Variants in MARCHF1 observed in about 807,000 individuals in gnomAD.
The protein encoded by MARCHF1 is E3 ubiquitin-protein ligase MARCHF1.
In MARCHF1, 40 loss-of-function variants were observed where a neutral mutation model predicts 54.2. The ratio of observed to expected loss-of-function variants is 0.74; its 90% CI spans 0.57 to 0.96. MARCHF1 has a LOEUF of 0.96. Among genes scored for constraint, MARCHF1 ranks in the 40% least tolerant of loss-of-function variants. The pLI is 0.00. For missense variants in MARCHF1, 586 were observed against 656.5 expected, an observed-to-expected ratio of 0.89 and a Z score of 1.17; for synonymous variants, 236 against 236.3, an observed-to-expected ratio of 1.00 and a Z score of 0.01.
At chr4:164,094,938 C>T (rs1015756762) in intron 2 of MARCHF1, among the ~76,000 whole-genome samples, 4 of 152,018 alleles carry the variant, frequency 2.6e-5, no homozygotes, top group African/African-American at 9.7e-5. Context: ...CAAAAGATAA[C>T]TGTATCATAA....
At chr4:164,037,067 T>C (rs1754021273) in intron 2 of MARCHF1, among the ~76,000 whole-genome samples, 1 of 152,164 alleles carries the variant, frequency 6.6e-6, no homozygotes, top group African/African-American at 2.4e-5. Flanking sequence ...TTCTAAGATT[T>C]GGGGCTTGAA....
chr4:163,765,899 T>C (rs1004164188), intron 4 of MARCHF1, among the ~76,000 whole-genome samples: 2 of 147,780 alleles, frequency 1.4e-5, no homozygotes, highest in African/African-American at 4.9e-5. Flanking sequence ...ATAATACATA[T>C]AATTATATAT....
At chr4:163,728,497 A>C (rs1005081486) in intron 4 of MARCHF1, among the ~76,000 whole-genome samples, 1 of 152,044 alleles carries the variant, frequency 6.6e-6, no homozygotes, top group South Asian at 2.1e-4. Context: ...CTTTTTTCAC[A>C]TTGATCTTCC....
intron 7 of MARCHF1, among the ~76,000 whole-genome samples, chr4:163,593,538 G>C (rs1052731966): frequency 1.2e-4 from 19 of 152,120 alleles, no homozygotes; most frequent in South Asian, 2.1e-4. Context: ...TCTGCATGTG[G>C]CAGAAATTCT....
intron 8 of MARCHF1, among the ~76,000 whole-genome samples, chr4:163,549,495 C>T (rs1035247230): frequency 2.6e-5 from 4 of 152,104 alleles, no homozygotes; most frequent in Non-Finnish European, 5.9e-5. Flanking sequence ...ACACTGCCGA[C>T]CCTCTGATCT....
intron 2 of MARCHF1, among the ~76,000 whole-genome samples, chr4:164,011,869 T>C (rs1579459443): frequency 2.0e-5 from 3 of 152,032 alleles, no homozygotes; most frequent in Admixed American, 2.0e-4. Flanking sequence ...CTACCCTAAC[T>C]CCAGGCAGCA....
chr4:164,018,569 A>G (rs573166081), intron 2 of MARCHF1, among the ~76,000 whole-genome samples: 4 of 152,278 alleles, frequency 2.6e-5, no homozygotes, highest in African/African-American at 9.6e-5. Context: ...ATAAATAAGC[A>G]TATCGAAAAT....
chr4:163,781,956 G>A (rs899159472), intron 4 of MARCHF1, among the ~76,000 whole-genome samples: 3 of 152,064 alleles, frequency 2.0e-5, no homozygotes, highest in African/African-American at 7.2e-5. Context: ...TGTTACATAG[G>A]TGAAGTCAGA....
intron 4 of MARCHF1, among the ~76,000 whole-genome samples, chr4:163,745,648 A>G (rs1451942760): frequency 3.9e-5 from 6 of 152,144 alleles, no homozygotes; most frequent in Non-Finnish European, 5.9e-5. Context: ...ATCAAAATTT[A>G]CATTCTCCAA....
intron 1 of MARCHF1, among the ~76,000 whole-genome samples, chr4:164,134,803 A>T (rs2110831952): frequency 6.6e-6 from 1 of 152,150 alleles, no homozygotes; most frequent in Non-Finnish European, 1.5e-5. Context: ...ACGAGATTCA[A>T]AGCACAAAAA....
chr4:163,715,376 G>C (rs554158345), intron 4 of MARCHF1, among the ~76,000 whole-genome samples: 2 of 152,252 alleles, frequency 1.3e-5, no homozygotes, highest in East Asian at 3.9e-4. Context: ...CTCCCGAGTA[G>C]CTGGGACTAC....
chr4:164,006,418 C>A (rs1418523233), intron 2 of MARCHF1, among the ~76,000 whole-genome samples: 1 of 149,772 alleles, frequency 6.7e-6, no homozygotes, highest in Non-Finnish European at 1.5e-5. Context: ...AATACACAGT[C>A]AGAGGAGAAA....
At chr4:164,087,372 T>A (rs1755211643) in intron 2 of MARCHF1, among the ~76,000 whole-genome samples, 1 of 152,078 alleles carries the variant, frequency 6.6e-6, no homozygotes, top group African/African-American at 2.4e-5. Context: ...TAAATCAATG[T>A]CCATAGTGAA....
chr4:164,001,541 A>C (rs1268929231), intron 2 of MARCHF1, among the ~76,000 whole-genome samples: 1 of 151,866 alleles, frequency 6.6e-6, no homozygotes, highest in Non-Finnish European at 1.5e-5. Flanking sequence ...AAATATATGA[A>C]ACAAATGGTT....
At chr4:163,724,581 T>C (rs1579230373) in intron 4 of MARCHF1, among the ~76,000 whole-genome samples, 1 of 152,192 alleles carries the variant, frequency 6.6e-6, no homozygotes, top group East Asian at 1.9e-4. Flanking sequence ...TGCTGCCTTT[T>C]GTTTGGCTAT....
chr4:163,933,031 T>C, intron 3 of MARCHF1: 1 of 1,440,044 alleles, frequency 6.9e-7, no homozygotes, highest in Non-Finnish European at 9.5e-7. Flanking sequence ...GGGCTTGCGG[T>C]TAACTTTTCT....
intron 4 of MARCHF1, among the ~76,000 whole-genome samples, chr4:163,779,905 A>T (rs1262268725): frequency 1.3e-5 from 2 of 152,198 alleles, no homozygotes; most frequent in Non-Finnish European, 2.9e-5. Flanking sequence ...TTCATAATTA[A>T]CACAGCACTT....
At chr4:163,884,445 A>C (rs1294388266) in intron 3 of MARCHF1, among the ~76,000 whole-genome samples, 4 of 152,230 alleles carry the variant, frequency 2.6e-5, no homozygotes, top group Non-Finnish European at 5.9e-5. Context: ...TTAACTTTTA[A>C]AATGAAAGTG....
chr4:163,719,208 G>A (rs1745361541), intron 4 of MARCHF1, among the ~76,000 whole-genome samples: 1 of 148,984 alleles, frequency 6.7e-6, no homozygotes, highest in South Asian at 2.1e-4. Flanking sequence ...AGGCAGTGGT[G>A]TGTGATGTTC....
Sources: allele counts gnomAD v4.1 joint callset (sites outside exome capture counted in the v4.1 genomes callset), GRCh38; gene constraint gnomAD v4.1.1; transcripts MANE v1.5; gene names NCBI Gene and HGNC (gene_info 2026-07-23, HGNC 2026-07-21).